Variants in CDH13 observed in about 807,000 individuals in gnomAD.
The protein encoded by CDH13 is cadherin 13.
CDH13 carries 24 observed loss-of-function variants against 63.8 expected under a neutral mutation model. That is an observed-to-expected ratio of 0.38 (90% confidence interval 0.27 to 0.53). The LOEUF (loss-of-function observed/expected upper bound fraction) is 0.53, where lower values mean the gene tolerates loss of function less well. Ranked by LOEUF, CDH13 falls within the 20% of genes least tolerant of loss-of-function variation. The pLI is 0.85. For synonymous variants in CDH13, 503 were observed against 355.3 expected, an observed-to-expected ratio of 1.42 and a Z score of -4.67; for missense variants, 1,049 against 903.1, an observed-to-expected ratio of 1.16 and a Z score of -2.07.
At chr16:83,792,264 G>T (rs1916323887) in intron 13 of CDH13, among the ~76,000 whole-genome samples, 1 of 152,184 alleles carries the variant, frequency 6.6e-6, no homozygotes, top group South Asian at 2.1e-4. Context: ...GATCCTTGGG[G>T]GCTTTCCATG....
Position 83,583,179 on chromosome 16 carries a change from G to A in CDH13, c.961-19275G>A, listed in dbSNP as rs192585461. 3.4e-4 allele frequency among the ~76,000 whole-genome samples: 51 copies of A among 152,140 alleles called. 1 individual carries two copies. The East Asian group carries it at 4.8e-3, about 14-fold the overall frequency. ...TTCTCCCTGTGTCTTCTCATCTTCT[G>A]TCTCCTATAAGGATACTTGTAGATT... On this transcript the variant is annotated intron_variant, in intron 7 of 13. Coordinates refer to ENST00000567109, the MANE Select transcript of CDH13 (RefSeq NM_001257.5).
At chr16:83,521,118 C>A (rs937144007) in intron 7 of CDH13, among the ~76,000 whole-genome samples, 3 of 152,220 alleles carry the variant, frequency 2.0e-5, no homozygotes, top group Non-Finnish European at 4.4e-5. Context: ...CATACCCCAT[C>A]ACCACAGTGC....
chr16:82,704,913 A>G (rs2031358511), intron 1 of CDH13: 1 of 330,870 alleles, frequency 3.0e-6, no homozygotes, highest in Admixed American at 4.2e-5. Flanking sequence ...GTATTTGTTA[A>G]TTGTAACAAA....
intron 2 of CDH13, among the ~76,000 whole-genome samples, chr16:82,870,450 C>A (rs2040305076): frequency 6.6e-6 from 1 of 152,124 alleles, no homozygotes; most frequent in South Asian, 2.1e-4. Flanking sequence ...TATGGCCCAA[C>A]AGTCCCACTG....
At chr16:83,668,494 T>C (rs889544161) in intron 8 of CDH13, among the ~76,000 whole-genome samples, 5 of 152,238 alleles carry the variant, frequency 3.3e-5, no homozygotes, top group Non-Finnish European at 5.9e-5. Flanking sequence ...GCCCATTTCA[T>C]GCCCACATGA....
intron 2 of CDH13, among the ~76,000 whole-genome samples, chr16:82,888,520 T>C (rs1048377996): frequency 6.6e-6 from 1 of 152,156 alleles, no homozygotes; most frequent in African/African-American, 2.4e-5. Context: ...CCCCACAGCA[T>C]CTCCTGGTCG....
At chr16:82,840,256 T>C (rs754501897) in intron 1 of CDH13, among the ~76,000 whole-genome samples, 126 of 151,780 alleles carry the variant, frequency 8.3e-4, no homozygotes, top group Non-Finnish European at 1.5e-3. Context: ...TTTGATACTG[T>C]GGTGAAGCTG....
chr16:82,740,802 A>G (rs1281425821), intron 1 of CDH13, among the ~76,000 whole-genome samples: 14 of 152,192 alleles, frequency 9.2e-5, no homozygotes, highest in Admixed American at 7.9e-4. Context: ...TCCAATATCA[A>G]TGGGGGAACA....
chr16:82,901,700 G>A (rs114119255), intron 2 of CDH13, among the ~76,000 whole-genome samples: 186 of 152,238 alleles, frequency 1.2e-3, no homozygotes, highest in African/African-American at 4.3e-3. Flanking sequence ...ACAGGGCTGC[G>A]GCATGTGCTA....
intron 4 of CDH13, among the ~76,000 whole-genome samples, chr16:83,156,217 A>G (rs1044470447): frequency 6.6e-6 from 1 of 152,238 alleles, no homozygotes; most frequent in East Asian, 1.9e-4. Flanking sequence ...AGTACACACC[A>G]TAATGCATCA....
chr16:82,981,876 G>A (rs541208105), intron 2 of CDH13, among the ~76,000 whole-genome samples: 40 of 152,220 alleles, frequency 2.6e-4, no homozygotes, highest in Middle Eastern at 6.8e-3. Context: ...AATCTCTGCA[G>A]CTTCGAACAC....
At chr16:83,749,318 A>T (rs1912882056) in intron 11 of CDH13, among the ~76,000 whole-genome samples, 1 of 152,170 alleles carries the variant, frequency 6.6e-6, no homozygotes, top group South Asian at 2.1e-4. Flanking sequence ...GAAGTGAGCA[A>T]TCCATGTGAC....
intron 2 of CDH13, among the ~76,000 whole-genome samples, chr16:82,988,273 A>G (rs1014002464): frequency 1.3e-5 from 2 of 152,232 alleles, no homozygotes; most frequent in East Asian, 1.9e-4. Flanking sequence ...CCTTTAGAGA[A>G]TGAAATGCAC....
intron 1 of CDH13, chr16:82,639,314 C>G: frequency 7.2e-7 from 1 of 1,380,442 alleles, no homozygotes; most frequent in Non-Finnish European, 9.9e-7. Flanking sequence ...AGGGTCAGCC[C>G]GGGGTCATTT....
At chr16:82,841,569 C>G (rs2039011897) in intron 1 of CDH13, among the ~76,000 whole-genome samples, 2 of 152,174 alleles carry the variant, frequency 1.3e-5, no homozygotes. Context: ...GTTAAGGATT[C>G]ATTGCATTTT....
chr16:83,268,507 G>T (rs1243935980), intron 5 of CDH13, among the ~76,000 whole-genome samples: 1 of 152,132 alleles, frequency 6.6e-6, no homozygotes, highest in Non-Finnish European at 1.5e-5. Context: ...TGAATTATTT[G>T]ATGTCATATG....
At chr16:83,748,776 C>G (rs1208174738) in intron 11 of CDH13, among the ~76,000 whole-genome samples, 2 of 152,200 alleles carry the variant, frequency 1.3e-5, no homozygotes, top group African/African-American at 2.4e-5. Flanking sequence ...ATGCCAGCCC[C>G]TGATTAGATG....
chr16:82,941,914 G>A (rs1347143422), intron 2 of CDH13, among the ~76,000 whole-genome samples: 1 of 152,140 alleles, frequency 6.6e-6, no homozygotes, highest in Non-Finnish European at 1.5e-5. Flanking sequence ...TCCCTCAGTG[G>A]TAATTCAAGG....
chr16:83,627,905 T>C (rs888961318), intron 8 of CDH13, among the ~76,000 whole-genome samples: 1 of 152,194 alleles, frequency 6.6e-6, no homozygotes, highest in Non-Finnish European at 1.5e-5. Flanking sequence ...AGGAGCAGAT[T>C]ATTCAAGACT....
Sources: allele counts gnomAD v4.1 joint callset (sites outside exome capture counted in the v4.1 genomes callset), GRCh38; gene constraint gnomAD v4.1.1; transcripts MANE v1.5; gene names NCBI Gene and HGNC (gene_info 2026-07-23, HGNC 2026-07-21).